MFHAS1: variants seen among roughly 807,000 people sequenced by gnomAD.
MFHAS1 encodes the protein multifunctional ROCO family signaling regulator 1.
In MFHAS1, 50 loss-of-function variants were observed where a neutral mutation model predicts 70.4. That is an observed-to-expected ratio of 0.71 (90% CI 0.57 to 0.90). MFHAS1 has a LOEUF of 0.90. MFHAS1 is among the 40% of genes least tolerant of loss of function. The probability of loss-of-function intolerance (pLI) is 0.00; values close to 1 mark genes in which losing one functional copy is unlikely to be tolerated. For synonymous variants in MFHAS1, 952 were observed against 620.0 expected, an observed-to-expected ratio of 1.54 and a Z score of -7.96; for missense variants, 1,795 against 1,347.6, an observed-to-expected ratio of 1.33 and a Z score of -5.20.
intron 1 of MFHAS1, among the ~76,000 whole-genome samples, chr8:8,843,351 A>G (rs949308601): frequency 3.3e-5 from 5 of 152,102 alleles, no homozygotes; most frequent in African/African-American, 1.2e-4. Context: ...CGGGAGGCTC[A>G]GGTGGGCAAA....
chr8:8,856,560 T>C (rs1391805594), intron 1 of MFHAS1, among the ~76,000 whole-genome samples: 1 of 152,212 alleles, frequency 6.6e-6, no homozygotes, highest in East Asian at 1.9e-4. Context: ...ATATATTTAA[T>C]ATCCAAGACA....
At position 8,892,044 on chromosome 8, in the gene MFHAS1, C is replaced by G; in HGVS notation, c.1015G>C (p.Val339Leu). The G allele has an allele frequency of 6.2e-7, 1 of 1,613,358 alleles. No homozygotes were observed. The highest frequency in any genetic ancestry group is 1.7e-5 in the Admixed American group (1 of 60,008). The change falls in exon 1 of 3, where the codon GTG becomes CTG. Residue 339 changes from valine to leucine, a missense_variant. Coordinates refer to ENST00000276282, the MANE Select transcript of MFHAS1 (RefSeq NM_004225.3). The surrounding 1 kb of genome is among the most constrained non-coding windows in gnomAD (Gnocchi z 4.7). ...AGCTCCTCCAGGCCGGTCAGCTCCA[C>G]GATGGAGTCCGGCAGGTAGCGGATG... ...NRIRYLPDSI[V>L]ELTGLEELVL...
chr8:8,887,057 G>A (rs1585073926), intron 1 of MFHAS1, among the ~76,000 whole-genome samples: 3 of 152,210 alleles, frequency 2.0e-5, no homozygotes, highest in African/African-American at 4.8e-5. Context: ...AATCCAGGAG[G>A]CAGAGGTTGC....
intron 2 of MFHAS1, among the ~76,000 whole-genome samples, chr8:8,790,640 C>T (rs368010948): frequency 1.3e-5 from 2 of 152,156 alleles, no homozygotes; most frequent in East Asian, 3.8e-4. Flanking sequence ...AAATACCATC[C>T]CATCCTCACC....
At chr8:8,794,432 G>A (rs758161063) in intron 2 of MFHAS1, among the ~76,000 whole-genome samples, 3 of 152,112 alleles carry the variant, frequency 2.0e-5, no homozygotes, top group Non-Finnish European at 2.9e-5. Context: ...GACCTTCCCC[G>A]GAGCCTGGCC....
At chr8:8,837,356 T>C (rs1807634995) in intron 1 of MFHAS1, among the ~76,000 whole-genome samples, 2 of 152,172 alleles carry the variant, frequency 1.3e-5, no homozygotes, top group African/African-American at 4.8e-5. Flanking sequence ...CATAAGAAGA[T>C]GCTTGGCCAG....
intron 1 of MFHAS1, among the ~76,000 whole-genome samples, chr8:8,878,949 T>C (rs554597538): frequency 1.3e-3 from 205 of 152,376 alleles, no homozygotes; most frequent in Middle Eastern, 3.4e-3. Context: ...TGCACTTTAA[T>C]GGATGCTGTC....
chr8:8,791,029 G>A (rs547362794), intron 2 of MFHAS1, among the ~76,000 whole-genome samples: 15 of 151,640 alleles, frequency 9.9e-5, no homozygotes, highest in South Asian at 2.1e-4. Context: ...AGGGTATTTC[G>A]AAATGCAATA....
chr8:8,890,595 C>T lies in MFHAS1; in HGVS notation c.2464G>A (p.Glu822Lys), dbSNP rs770102498. The T allele has an allele frequency of 6.2e-7, 1 of 1,613,868 alleles. No individual in the cohort carries two copies. The highest frequency in any genetic ancestry group is 1.7e-5 in the Admixed American group (1 of 60,032). ...CAGAGTCCCATCTTCTCCAGCAGCTCCAGCAACAGCTGCAAGTCCTGCTGG... is the reference window on the plus strand; with the variant it reads ...CAGAGTCCCATCTTCTCCAGCAGCTTCAGCAACAGCTGCAAGTCCTGCTGG... Reference protein sequence around the residue: ...QAQQDLQLLLELLEKMGLCYC... With the variant: ...QAQQDLQLLLKLLEKMGLCYC... The change falls in exon 1 of 3, where the codon GAG becomes AAG. Residue 822 changes from glutamate (E) to lysine (K), a missense_variant. Coordinates refer to ENST00000276282, the MANE Select transcript of MFHAS1 (RefSeq NM_004225.3).
At chr8:8,862,476 C>T (rs1033680546) in intron 1 of MFHAS1, among the ~76,000 whole-genome samples, 4 of 150,828 alleles carry the variant, frequency 2.7e-5, no homozygotes, top group Admixed American at 2.0e-4. Context: ...CTTTTGAAGA[C>T]CCAAAGTTTT....
chr8:8,834,048 C>G (rs980067652), intron 1 of MFHAS1, among the ~76,000 whole-genome samples: 1 of 151,956 alleles, frequency 6.6e-6, no homozygotes, highest in South Asian at 2.1e-4. Context: ...ATCGCTTGAA[C>G]CCGGGAGGCG....
At chr8:8,799,493 T>C (rs529177141) in intron 1 of MFHAS1, among the ~76,000 whole-genome samples, 59 of 152,338 alleles carry the variant, frequency 3.9e-4, no homozygotes, top group African/African-American at 1.2e-3. Context: ...CAGTGGTTCA[T>C]GCCTCTAATC....
chr8:8,856,971 C>A, intron 1 of MFHAS1, among the ~76,000 whole-genome samples: 1 of 91,226 alleles, frequency 1.1e-5, no homozygotes, highest in Admixed American at 1.8e-4. Context: ...ACTTTCACAT[C>A]AGGAAAGTGA....
intron 1 of MFHAS1, among the ~76,000 whole-genome samples, chr8:8,867,008 G>GA (rs1016201155): frequency 2.6e-5 from 4 of 151,684 alleles, no homozygotes; most frequent in Non-Finnish European, 5.9e-5. Context: ...GTGACAGTGG[G>GA]AAAAAAAAGA....
chr8:8,881,389 T>C (rs1809516870), intron 1 of MFHAS1, among the ~76,000 whole-genome samples: 1 of 152,232 alleles, frequency 6.6e-6, no homozygotes, highest in South Asian at 2.1e-4. Context: ...ATCTCTGCAT[T>C]ACGCCAGCCA....
At chr8:8,840,033 T>C (rs1312314523) in intron 1 of MFHAS1, among the ~76,000 whole-genome samples, 1 of 152,192 alleles carries the variant, frequency 6.6e-6, no homozygotes, top group Admixed American at 6.5e-5. Flanking sequence ...TATATACACA[T>C]ATATGTTTGT....
At chr8:8,851,669 T>C (rs956893838) in intron 1 of MFHAS1, among the ~76,000 whole-genome samples, 5 of 152,230 alleles carry the variant, frequency 3.3e-5, no homozygotes, top group Admixed American at 1.3e-4. Context: ...TTTCATATTA[T>C]ACCCCTTCCT....
intron 1 of MFHAS1, among the ~76,000 whole-genome samples, chr8:8,866,095 G>C (rs987986298): frequency 1.3e-5 from 2 of 152,194 alleles, no homozygotes; most frequent in Non-Finnish European, 2.9e-5. Flanking sequence ...CCTAGCTGAA[G>C]TGCTTTTATT....
At chr8:8,883,369 T>C (rs1809604766) in intron 1 of MFHAS1, among the ~76,000 whole-genome samples, 1 of 152,010 alleles carries the variant, frequency 6.6e-6, no homozygotes. Context: ...TCAGCAGGCA[T>C]TCTGATGCCC....
Sources: allele counts gnomAD v4.1 joint callset (sites outside exome capture counted in the v4.1 genomes callset), GRCh38; gene constraint gnomAD v4.1.1; non-coding constraint Gnocchi (gnomAD v3.1); transcripts MANE v1.5; gene names NCBI Gene and HGNC (gene_info 2026-07-23, HGNC 2026-07-21).